PHF14: variants seen among roughly 807,000 people sequenced by gnomAD.
PHF14 encodes PHD finger protein 14.
PHF14 carries 55 observed loss-of-function variants against 117.9 expected under a neutral mutation model. That is an observed-to-expected ratio of 0.47 (90% CI 0.38 to 0.58). The LOEUF is 0.58. PHF14 is among the 20% of genes least tolerant of loss of function. The pLI is 0.00. For synonymous variants in PHF14, 409 were observed against 368.6 expected, an observed-to-expected ratio of 1.11 and a Z score of -1.26; for missense variants, 978 against 1,122.2, an observed-to-expected ratio of 0.87 and a Z score of 1.84.
intron 6 of PHF14, among the ~76,000 whole-genome samples, chr7:11,024,281 G>A (rs933505354): frequency 6.6e-6 from 1 of 152,156 alleles, no homozygotes; most frequent in Non-Finnish European, 1.5e-5. Context: ...TGAGGTTTAA[G>A]GAAAGAAGCC....
At chr7:11,058,912 A>T (rs1785108903) in intron 14 of PHF14, among the ~76,000 whole-genome samples, 1 of 151,914 alleles carries the variant, frequency 6.6e-6, no homozygotes, top group African/African-American at 2.4e-5. Context: ...GCTCTAAGAT[A>T]ATATTATTTT....
intron 4 of PHF14, among the ~76,000 whole-genome samples, chr7:10,994,008 C>CAAA (rs1166211936): frequency 1.2e-5 from 1 of 81,992 alleles, no homozygotes. Flanking sequence ...GACTCTGTCT[C>CAAA]AAAAAAAAAA....
chr7:11,058,102 C>T (rs963710893), intron 14 of PHF14, among the ~76,000 whole-genome samples: 1 of 152,068 alleles, frequency 6.6e-6, no homozygotes, highest in African/African-American at 2.4e-5. Flanking sequence ...TATTTTCATC[C>T]TACAGTTTTA....
At position 11,125,306 on chromosome 7, in the gene PHF14, T is replaced by G. The variant is rs186965350; in HGVS notation, c.2772+13839T>G. The stretch of plus-strand genomic sequence containing the variant: ...CTACAGCCAGCCACACTCAATCCCT[T>G]TGCAAAGATAGTTTAAGAATATTCT... On this transcript the variant is annotated intron_variant, in intron 17 of 17. Coordinates refer to ENST00000634607, the MANE Select transcript of PHF14 (RefSeq NM_001007157.2). Among the ~76,000 whole-genome samples, 380 of 152,216 alleles carry G rather than the reference T, an allele frequency of 2.5e-3. 1 individual carries two copies. The highest frequency in any genetic ancestry group is 2.6e-3 in the Non-Finnish European group (174 of 67,966).
intron 17 of PHF14, among the ~76,000 whole-genome samples, chr7:11,113,182 G>T (rs1298137847): frequency 6.6e-6 from 1 of 151,866 alleles, no homozygotes; most frequent in African/African-American, 2.4e-5. Flanking sequence ...TTTTGAGAAG[G>T]CTCAATAATA....
intron 16 of PHF14, among the ~76,000 whole-genome samples, chr7:11,069,680 CCCTT>C (rs201723432): frequency 2.0e-4 from 23 of 115,154 alleles, no homozygotes; most frequent in Admixed American, 5.5e-4. Context: ...CCCTCCCTTT[CCCTT>C]CCTTCCTTCC....
At chr7:11,152,971 A>T (rs1300019675) in intron 17 of PHF14, among the ~76,000 whole-genome samples, 6 of 152,214 alleles carry the variant, frequency 3.9e-5, no homozygotes. Context: ...GAACTCAGTG[A>T]GGCCGGAAAG....
At chr7:11,137,365 A>G (rs958224394) in intron 17 of PHF14, among the ~76,000 whole-genome samples, 2 of 152,252 alleles carry the variant, frequency 1.3e-5, no homozygotes, top group Middle Eastern at 3.4e-3. Context: ...TGACAGCTCT[A>G]CACAATTCCC....
At chr7:11,142,964 C>T (rs1788440444) in intron 17 of PHF14, among the ~76,000 whole-genome samples, 1 of 152,112 alleles carries the variant, frequency 6.6e-6, no homozygotes, top group Non-Finnish European at 1.5e-5. Context: ...TTTACAACTG[C>T]TTATATCTTG....
At chr7:11,099,651 C>T (rs181703792) in intron 16 of PHF14, among the ~76,000 whole-genome samples, 21 of 152,198 alleles carry the variant, frequency 1.4e-4, no homozygotes, top group Non-Finnish European at 1.5e-5. Context: ...TTTGGAAAGA[C>T]TGAGACTCTT....
intron 16 of PHF14, among the ~76,000 whole-genome samples, chr7:11,071,594 A>G (rs1012229333): frequency 1.3e-5 from 2 of 152,182 alleles, no homozygotes; most frequent in East Asian, 3.8e-4. Context: ...TACATTTGTC[A>G]TTGTTCAACG....
intron 17 of PHF14, among the ~76,000 whole-genome samples, chr7:11,157,295 T>C (rs1788892024): frequency 6.6e-6 from 1 of 151,972 alleles, no homozygotes; most frequent in Non-Finnish European, 1.5e-5. Flanking sequence ...AAAGACAAAA[T>C]GTCTAATATG....
Position 11,036,470 on chromosome 7 carries a change from G to C in PHF14, c.1655G>C (p.Arg552Pro). 6.2e-7 allele frequency: 1 copy of C among 1,613,658 alleles called. No individual in the cohort carries two copies. The highest frequency in any genetic ancestry group is 8.5e-7 in the Non-Finnish European group (1 of 1,179,656). The change falls in exon 9 of 18, where the codon CGA becomes CCA. Residue 552 changes from arginine (R) to proline (P), a missense_variant. Transcript: ENST00000634607. ...QQYRAKAELARSTRPQAWVPR... is the reference protein window; with the variant it reads ...QQYRAKAELAPSTRPQAWVPR... The stretch of plus-strand genomic sequence containing the variant: ...TATCGTGCCAAAGCAGAACTAGCTC[G>C]ATCTACCAGACCCCAGGCCTGGGTT...
chr7:11,101,227 A>G (rs1173339132), intron 16 of PHF14, among the ~76,000 whole-genome samples: 2 of 151,890 alleles, frequency 1.3e-5, no homozygotes, highest in Non-Finnish European at 2.9e-5. Flanking sequence ...GCAGATTTCC[A>G]TATCTAATGT....
intron 2 of PHF14, 135 bp downstream of exon 2, chr7:10,975,080 A>T: frequency 1.5e-6 from 1 of 652,048 alleles, no homozygotes; most frequent in Non-Finnish European, 2.7e-6. Context: ...TGTCCATTTG[A>T]TTTCCCATTT....
chr7:11,144,657 T>C (rs1185753786), intron 17 of PHF14, among the ~76,000 whole-genome samples: 1 of 150,582 alleles, frequency 6.6e-6, no homozygotes, highest in East Asian at 1.9e-4. Context: ...TATATCACTG[T>C]AGGTTGACTA....
chr7:11,126,124 T>A (rs1016573166), intron 17 of PHF14, among the ~76,000 whole-genome samples: 3 of 152,164 alleles, frequency 2.0e-5, no homozygotes, highest in African/African-American at 7.2e-5. Context: ...TGATTAGTTA[T>A]TTGTAAATCA....
chr7:10,981,954 C>T (rs1782057035), intron 2 of PHF14, among the ~76,000 whole-genome samples: 2 of 152,006 alleles, frequency 1.3e-5, no homozygotes, highest in African/African-American at 2.4e-5. Flanking sequence ...CTTACAAGTC[C>T]ATATAGTTTA....
chr7:11,101,390 A>G (rs1787083219), intron 16 of PHF14, among the ~76,000 whole-genome samples: 1 of 151,908 alleles, frequency 6.6e-6, no homozygotes, highest in Non-Finnish European at 1.5e-5. Context: ...TTCCAGTAGT[A>G]AACTACAGAC....
Sources: gnomAD v4.1 joint callset for allele counts (sites outside exome capture counted in the v4.1 genomes callset) on GRCh38, gnomAD v4.1.1 for gene constraint, MANE v1.5 for transcripts, NCBI Gene and HGNC (gene_info 2026-07-23, HGNC 2026-07-21) for gene names.